Variants in HLCS observed in about 807,000 individuals in gnomAD.
The protein encoded by HLCS is biotin--protein ligase.
In HLCS, 53 loss-of-function variants were observed where a neutral mutation model predicts 75.0. The ratio of observed to expected loss-of-function variants is 0.71; its 90% CI spans 0.57 to 0.89. The LOEUF (loss-of-function observed/expected upper bound fraction) is 0.89. HLCS is among the 40% of genes least tolerant of loss of function. The pLI, the probability that HLCS is intolerant of heterozygous loss-of-function variation, is 0.00. For missense variants in HLCS, 966 were observed against 1,074.0 expected (o/e 0.90, Z 1.41); for synonymous variants, 431 against 428.6 (o/e 1.01, Z -0.07).
intron 6 of HLCS, among the ~76,000 whole-genome samples, chr21:36,774,716 G>C (rs1215961176): frequency 2.0e-5 from 3 of 152,124 alleles, no homozygotes; most frequent in South Asian, 2.1e-4. Flanking sequence ...CTCTATCTGG[G>C]CTAAAAACCT....
At chr21:36,978,728 T>C (rs2069013004) in intron 1 of HLCS, among the ~76,000 whole-genome samples, 1 of 152,138 alleles carries the variant, frequency 6.6e-6, no homozygotes, top group South Asian at 2.1e-4. Flanking sequence ...AAAGAGACCC[T>C]GTAGCAGACG....
chr21:36,793,118 G>A (rs1461328100), intron 6 of HLCS, among the ~76,000 whole-genome samples: 3 of 152,050 alleles, frequency 2.0e-5, no homozygotes, highest in Non-Finnish European at 4.4e-5. Context: ...TCGAGTTGTT[G>A]AGATCTTTAG....
chr21:36,838,367 G>A (rs2062493091), intron 6 of HLCS, among the ~76,000 whole-genome samples: 1 of 151,176 alleles, frequency 6.6e-6, no homozygotes. Context: ...TTCTGTAAAT[G>A]TTTACTTACT....
At chr21:36,790,267 G>C (rs1426271063) in intron 6 of HLCS, among the ~76,000 whole-genome samples, 1 of 152,142 alleles carries the variant, frequency 6.6e-6, no homozygotes, top group Non-Finnish European at 1.5e-5. Context: ...AGCTGGGTGT[G>C]GTGGGGTGCA....
chr21:36,780,157 A>T (rs1235465164), intron 6 of HLCS, among the ~76,000 whole-genome samples: 1 of 152,124 alleles, frequency 6.6e-6, no homozygotes, highest in African/African-American at 2.4e-5. Context: ...TCCTTATGAG[A>T]ATCTAAGGCC....
intron 5 of HLCS, among the ~76,000 whole-genome samples, chr21:36,898,834 G>A (rs961309614): frequency 2.0e-5 from 3 of 152,186 alleles, no homozygotes; most frequent in African/African-American, 7.2e-5. Context: ...GCTGAGGCAG[G>A]CGAATTGCTT....
intron 6 of HLCS, among the ~76,000 whole-genome samples, chr21:36,833,045 T>G (rs1183130203): frequency 7.2e-5 from 11 of 152,014 alleles, no homozygotes; most frequent in Admixed American, 2.0e-4. Flanking sequence ...GACCATTTTT[T>G]TTTTTTAGGC....
chr21:36,871,106 C>T (rs1311148849), intron 6 of HLCS, among the ~76,000 whole-genome samples: 2 of 152,142 alleles, frequency 1.3e-5, no homozygotes, highest in Admixed American at 6.5e-5. Flanking sequence ...CCTCGTATTC[C>T]GCACACACTT....
chr21:36,912,242 T>C (rs140005689), intron 5 of HLCS, among the ~76,000 whole-genome samples: 101 of 150,254 alleles, frequency 6.7e-4, no homozygotes, highest in African/African-American at 2.3e-3. Flanking sequence ...TGTCCCTCAA[T>C]AGACAAATGG....
intron 1 of HLCS, among the ~76,000 whole-genome samples, chr21:36,962,397 T>C (rs965268371): frequency 6.6e-6 from 1 of 152,156 alleles, no homozygotes; most frequent in African/African-American, 2.4e-5. Context: ...TTAATATCTC[T>C]AGACCACTGT....
intron 6 of HLCS, among the ~76,000 whole-genome samples, chr21:36,805,666 C>T (rs1387016694): frequency 6.6e-6 from 1 of 152,140 alleles, no homozygotes; most frequent in Non-Finnish European, 1.5e-5. Context: ...CCGCTGACTG[C>T]CAAGGGAAGA....
chr21:36,825,935 C>T (rs1220133377), intron 6 of HLCS, among the ~76,000 whole-genome samples: 2 of 152,042 alleles, frequency 1.3e-5, no homozygotes, highest in South Asian at 2.1e-4. Flanking sequence ...CAGTAAAGGG[C>T]GGGACACTCT....
chr21:36,944,220 A>G (rs910849428), intron 2 of HLCS: 12 of 152,216 alleles, frequency 7.9e-5, no homozygotes, highest in African/African-American at 2.9e-4. Flanking sequence ...TGAGATATGC[A>G]CAACATGGAT....
rs2089460420 is a variant in HLCS, at chr21:36,754,060, T to TC, written c.*185dup. The TC allele has an allele frequency of 1.2e-5, 8 of 678,010 alleles. No homozygotes were observed. The South Asian group carries it at 1.5e-4, about 13-fold the overall frequency. 42.0% of individuals were successfully genotyped at this position (678,010 alleles called of 1,614,324 possible). On this transcript the variant is annotated 3_prime_UTR_variant, in exon 11 of 11. Coordinates refer to ENST00000674895, the MANE Select transcript of HLCS (RefSeq NM_001352514.2). Reference sequence around the variant, plus strand: ...AAATTTTCTACTTCTTAACCATCTATCCCAGAGCCTCTTCAAACACCAAAG... The same window carrying TC: ...AAATTTTCTACTTCTTAACCATCTATCCCCAGAGCCTCTTCAAACACCAAAG...
intron 1 of HLCS, among the ~76,000 whole-genome samples, chr21:36,966,232 G>A (rs961600884): frequency 6.6e-6 from 1 of 152,206 alleles, no homozygotes; most frequent in African/African-American, 2.4e-5. Flanking sequence ...CCGGCTGGCC[G>A]GGAAGAGGCG....
chr21:36,778,024 A>G (rs542818800), intron 6 of HLCS, among the ~76,000 whole-genome samples: 8 of 152,124 alleles, frequency 5.3e-5, no homozygotes, highest in Non-Finnish European at 7.4e-5. Flanking sequence ...GCTGGAGTGC[A>G]GTGGCACGAT....
chr21:36,791,723 C>T (rs2060871540), intron 6 of HLCS, among the ~76,000 whole-genome samples: 1 of 152,008 alleles, frequency 6.6e-6, no homozygotes, highest in African/African-American at 2.4e-5. Context: ...CCCTCGAGGG[C>T]CACGGAAGCG....
At chr21:36,860,508 G>C (rs2063349939) in intron 6 of HLCS, among the ~76,000 whole-genome samples, 1 of 152,140 alleles carries the variant, frequency 6.6e-6, no homozygotes, top group Admixed American at 6.5e-5. Context: ...ATTTGGAGAT[G>C]TTCAAATTTT....
chr21:36,780,593 T>C (rs996271907), intron 6 of HLCS, among the ~76,000 whole-genome samples: 5 of 152,202 alleles, frequency 3.3e-5, no homozygotes, highest in Admixed American at 6.5e-5. Flanking sequence ...CTTTTATGTA[T>C]AGGCATTTAG....
Sources: allele counts gnomAD v4.1 joint callset (sites outside exome capture counted in the v4.1 genomes callset), GRCh38; gene constraint gnomAD v4.1.1; transcripts MANE v1.5; gene names NCBI Gene and HGNC (gene_info 2026-07-23, HGNC 2026-07-21).